Variants in SLC26A5 observed in about 807,000 individuals in gnomAD.
SLC26A5 encodes the protein prestin.
In SLC26A5, 51 loss-of-function variants were observed where a neutral mutation model predicts 81.0. The observed-to-expected ratio is 0.63, with a 90% confidence interval of 0.50 to 0.80. The LOEUF is 0.80. Ranked by LOEUF, SLC26A5 falls within the 30% of genes least tolerant of loss-of-function variation. SLC26A5 has a pLI of 0.00. For missense variants in SLC26A5, 771 were observed against 905.8 expected (o/e 0.85, Z 1.91); for synonymous variants, 325 against 332.8 (o/e 0.98, Z 0.25).
intron 19 of SLC26A5, among the ~76,000 whole-genome samples, chr7:103,361,400 C>G (rs1820394790): frequency 6.8e-6 from 1 of 147,826 alleles, no homozygotes; most frequent in Non-Finnish European, 1.5e-5. Context: ...ATCCCAGCTA[C>G]TCGGGAGGCT....
At chr7:103,379,028 T>C (rs1821575064) in intron 16 of SLC26A5, among the ~76,000 whole-genome samples, 1 of 152,346 alleles carries the variant, frequency 6.6e-6, no homozygotes, top group Admixed American at 6.5e-5. Flanking sequence ...TGGTGATGGC[T>C]GCACAATGTT....
intron 2 of SLC26A5, among the ~76,000 whole-genome samples, chr7:103,427,098 C>CATTCT (rs1017887578): frequency 4.3e-4 from 63 of 147,778 alleles, no homozygotes; most frequent in Non-Finnish European, 1.3e-4. Context: ...TTTTGAGACA[C>CATTCT]ATTCTCACTC....
rs745847089 is a variant in SLC26A5, at chr7:103,398,012, G to T, written c.891C>A (p.Val297=). Residue 297 remains valine, a splice_region_variant and synonymous_variant, in exon 9 of 20, where the codon GTC becomes GTA. Transcript: ENST00000306312. ...CAGCTGAAATGCCAGTTCCCATTAC[G>T]ACCTAAAAAGACACAAATCCAAATG... ...PAPIPLEFFA[V]VMGTGISAGF... The T allele has an allele frequency of 1.1e-5, 17 of 1,613,024 alleles. No individual in the cohort carries two copies. The Admixed American group carries it at 2.7e-4, about 25-fold the overall frequency.
intron 8 of SLC26A5, among the ~76,000 whole-genome samples, chr7:103,399,228 C>G (rs1416492054): frequency 2.0e-5 from 3 of 152,126 alleles, no homozygotes; most frequent in Admixed American, 6.5e-5. Context: ...ATCTGGGAAA[C>G]AGAATTAGTA....
rs116068554 is a variant in SLC26A5, at chr7:103,422,236, C to A, written c.-53-669G>T. ...AAACAATGATTAAAGAATAAAAATA[C>A]AACATATTTGTGCATATGGAGTTGT... On this transcript the variant is annotated intron_variant, in intron 2 of 19. Coordinates refer to ENST00000306312, the MANE Select transcript of SLC26A5 (RefSeq NM_198999.3). 5.4e-3 allele frequency among the ~76,000 whole-genome samples: 816 copies of A among 152,232 alleles called. 10 individuals carry two copies. The highest frequency in any genetic ancestry group is 0.018 in the African/African-American group (768 of 41,558).
intron 14 of SLC26A5, among the ~76,000 whole-genome samples, chr7:103,381,804 C>T (rs368499682): frequency 6.6e-6 from 1 of 150,742 alleles, no homozygotes; most frequent in African/African-American, 2.4e-5. Flanking sequence ...CATGCATATA[C>T]AACCTTCATC....
intron 19 of SLC26A5, among the ~76,000 whole-genome samples, chr7:103,365,386 C>G (rs1820660013): frequency 6.6e-6 from 1 of 152,090 alleles, no homozygotes; most frequent in African/African-American, 2.4e-5. Flanking sequence ...AATCCTAGCA[C>G]TTTGGGAGGC....
Position 103,425,662 on chromosome 7 carries a change from A to G in SLC26A5, c.-53-4095T>C, listed in dbSNP as rs572819475. On this transcript the variant is annotated intron_variant, in intron 2 of 19. Coordinates refer to ENST00000306312, the MANE Select transcript of SLC26A5 (RefSeq NM_198999.3). ...ATATATAATACAAAATAATAAATGT[A>G]ATTGCCATAAGATGCTTACTGAAAA... Among the ~76,000 whole-genome samples the G allele has an allele frequency of 3.7e-4, 57 of 152,260 alleles. No homozygotes were observed. The South Asian group carries it at 0.011, about 30-fold the overall frequency.
chr7:103,435,680 C>T (rs1157331799), intron 2 of SLC26A5, among the ~76,000 whole-genome samples: 1 of 152,204 alleles, frequency 6.6e-6, no homozygotes, highest in Non-Finnish European at 1.5e-5. Flanking sequence ...CCATTAATCT[C>T]GTTGCTCATG....
downstream of SLC26A5, among the ~76,000 whole-genome samples, chr7:103,370,170 C>CCTA (rs1276143315): frequency 6.6e-6 from 1 of 152,154 alleles, no homozygotes; most frequent in South Asian, 2.1e-4. Context: ...AGAATCTAAA[C>CCTA]ATCGTGAATC....
chr7:103,356,632 G>A (rs1820049422), intron 19 of SLC26A5, among the ~76,000 whole-genome samples: 1 of 152,018 alleles, frequency 6.6e-6, no homozygotes, highest in African/African-American at 2.4e-5. Context: ...CTCATGTTTT[G>A]TTCTTGGGTT....
intron 19 of SLC26A5, chr7:103,361,882 G>T: frequency 7.0e-7 from 1 of 1,428,770 alleles, no homozygotes; most frequent in Non-Finnish European, 9.5e-7. Context: ...GCACACTCAG[G>T]ATATAATCTA....
At chr7:103,441,522 G>T (rs1318545593) in intron 2 of SLC26A5, among the ~76,000 whole-genome samples, 1 of 152,170 alleles carries the variant, frequency 6.6e-6, no homozygotes, top group African/African-American at 2.4e-5. Flanking sequence ...TACTTGAGAA[G>T]GTGTGAGGAT....
intron 9 of SLC26A5, among the ~76,000 whole-genome samples, chr7:103,395,340 GGTCTTTTTTTTTTTTTTTTTTTA>G (rs1822998837): frequency 7.8e-6 from 1 of 128,558 alleles, no homozygotes; most frequent in Non-Finnish European, 1.6e-5. Flanking sequence ...AGAAACGTAA[GGTCTTTTTTTTTTTTTTTTTTTA>G]GTTAAGCTGT....
At chr7:103,403,310 TC>T (rs1660815112) in intron 8 of SLC26A5, among the ~76,000 whole-genome samples, 1 of 152,228 alleles carries the variant, frequency 6.6e-6, no homozygotes, top group East Asian at 1.9e-4. Context: ...AATTTTAGAA[TC>T]AGAGTGATGT....
At chr7:103,385,914 C>T (rs546335613) in intron 14 of SLC26A5, among the ~76,000 whole-genome samples, 13 of 148,624 alleles carry the variant, frequency 8.7e-5, no homozygotes, top group African/African-American at 2.3e-4. Flanking sequence ...GTTGCCCAAA[C>T]GGGAGCTTTT....
intron 2 of SLC26A5, among the ~76,000 whole-genome samples, chr7:103,430,839 C>A (rs959866702): frequency 5.9e-5 from 9 of 152,210 alleles, no homozygotes; most frequent in African/African-American, 2.2e-4. Context: ...TTCCAATTTG[C>A]AGCCATGGGC....
chr7:103,406,789 G>A (rs180820153), intron 8 of SLC26A5, among the ~76,000 whole-genome samples: 2 of 152,296 alleles, frequency 1.3e-5, no homozygotes, highest in East Asian at 3.9e-4. Flanking sequence ...CCAAGTAGCT[G>A]GGATTACAGG....
chr7:103,355,994 G>T (rs977919338), intron 19 of SLC26A5, among the ~76,000 whole-genome samples: 1 of 152,116 alleles, frequency 6.6e-6, no homozygotes, highest in East Asian at 1.9e-4. Context: ...TCATTTAAAA[G>T]ATTTAAATGA....
Sources: allele counts gnomAD v4.1 joint callset (sites outside exome capture counted in the v4.1 genomes callset), GRCh38; gene constraint gnomAD v4.1.1; transcripts MANE v1.5; gene names NCBI Gene and HGNC (gene_info 2026-07-23, HGNC 2026-07-21).